The following ANKRD26 variants were observed in gnomAD, a reference collection of about 807,000 sequenced individuals.
ANKRD26 encodes ankyrin repeat domain-containing protein 26.
A neutral mutation model predicts 208.7 loss-of-function variants in ANKRD26; 141 were observed. That is an observed-to-expected ratio of 0.68 (90% confidence interval 0.59 to 0.78). The LOEUF (loss-of-function observed/expected upper bound fraction) is 0.78, where lower values mean the gene tolerates loss of function less well. Among genes scored for constraint, ANKRD26 ranks in the 30% least tolerant of loss-of-function variants. The pLI, the probability that ANKRD26 is intolerant of heterozygous loss-of-function variation, is 0.00. For missense variants in ANKRD26, 1,889 were observed against 1,938.7 expected, an observed-to-expected ratio of 0.97 and a Z score of 0.48; for synonymous variants, 636 against 660.4, an observed-to-expected ratio of 0.96 and a Z score of 0.57.
At chr10:26,961,232 C>A in the ANKRD26 span, among the ~76,000 whole-genome samples, 1 of 150,668 alleles carries the variant, frequency 6.6e-6, no homozygotes, top group South Asian at 2.1e-4. Flanking sequence ...AAAAAAAAAT[C>A]CTAAGAAGAC....
intron 25 of ANKRD26, among the ~76,000 whole-genome samples, chr10:27,032,635 C>CAAAA (rs68062291): frequency 3.7e-5 from 5 of 135,856 alleles, no homozygotes; most frequent in Admixed American, 7.3e-5. Flanking sequence ...GACTCTGTCT[C>CAAAA]AAAAAAAAAA....
At chr10:26,952,427 C>T in the ANKRD26 span, among the ~76,000 whole-genome samples, 4 of 151,998 alleles carry the variant, frequency 2.6e-5, no homozygotes, top group Non-Finnish European at 2.9e-5. Flanking sequence ...TAAATATGCC[C>T]TTTGCTGTAG....
At chr10:26,996,513 T>C (rs2052596755) in intron 4 of ANKRD26, among the ~76,000 whole-genome samples, 1 of 152,150 alleles carries the variant, frequency 6.6e-6, no homozygotes, top group African/African-American at 2.4e-5. Context: ...CGAGCTGAGA[T>C]TGCGCCACTG....
intron 31 of ANKRD26, 101 bp downstream of exon 31, chr10:27,014,393 T>C (rs1001071383): frequency 2.2e-5 from 20 of 899,410 alleles, no homozygotes; most frequent in Non-Finnish European, 3.2e-5. Context: ...TATTACCTAT[T>C]TAGCTTTCAC....
At chr10:26,953,505 A>T in the ANKRD26 span, among the ~76,000 whole-genome samples, 3 of 152,186 alleles carry the variant, frequency 2.0e-5, no homozygotes, top group Non-Finnish European at 4.4e-5. Context: ...TCTCATCCTG[A>T]TGTTACTAGA....
At chr10:26,977,103 GTTA>G (rs1228662413) in intron 5 of ANKRD26, among the ~76,000 whole-genome samples, 2 of 152,160 alleles carry the variant, frequency 1.3e-5, no homozygotes. Context: ...TACCTATTCT[GTTA>G]TTATAACCTG....
At position 27,013,049 on chromosome 10, in the gene ANKRD26, A is replaced by G. The variant is rs778105689; in HGVS notation, c.4786T>C (p.Ser1596Pro). ...KLLVEKQQSR[S>P]LFTTLTTRPV... is the part of the protein sequence containing the mutation. Reference sequence around the variant, plus strand: ...CTGGTAGTGAGAGTGGTGAACAAAGATCTGCTCTGCTGTTTTTCCACAAGA... The same window carrying G: ...CTGGTAGTGAGAGTGGTGAACAAAGGTCTGCTCTGCTGTTTTTCCACAAGA... The change falls in exon 32 of 34, where the codon TCT (serine) becomes CCT (proline). Residue 1596 changes from serine to proline, a missense_variant. Ser to Pro is a moderately conservative substitution (Grantham distance 74). Coordinates refer to ENST00000376087, the MANE Select transcript of ANKRD26 (RefSeq NM_014915.3). 11 of 1,613,884 alleles carry G rather than the reference A, an allele frequency of 6.8e-6. No homozygotes were observed. The highest frequency in any genetic ancestry group is 6.7e-5 in the Admixed American group (4 of 59,982).
the ANKRD26 span, among the ~76,000 whole-genome samples, chr10:26,964,772 A>G: frequency 1.3e-5 from 2 of 152,220 alleles, no homozygotes; most frequent in African/African-American, 4.8e-5. Flanking sequence ...TAGGGGTGAC[A>G]TTTAAGGATG....
intron 4 of ANKRD26, among the ~76,000 whole-genome samples, chr10:26,995,386 G>A (rs1034709084): frequency 1.3e-5 from 2 of 152,156 alleles, no homozygotes; most frequent in Non-Finnish European, 2.9e-5. Context: ...GGCAGCCCTT[G>A]AGCTACAGGG....
At chr10:27,066,649 T>A (rs2055259915) in intron 10 of ANKRD26, 101 bp from the exon 11 acceptor site, 4 of 720,804 alleles carry the variant, frequency 5.5e-6, no homozygotes, top group Non-Finnish European at 8.6e-6. Context: ...CATTCATGAA[T>A]ATTTCAATAA....
intron 5 of ANKRD26, among the ~76,000 whole-genome samples, chr10:26,977,965 A>T (rs1235679605): frequency 6.6e-6 from 1 of 152,158 alleles, no homozygotes; most frequent in East Asian, 1.9e-4. Flanking sequence ...CAGGCTCCCA[A>T]ATTCCCCAGG....
chr10:27,009,343 G>C (rs551107337), intron 32 of ANKRD26, among the ~76,000 whole-genome samples: 83 of 152,286 alleles, frequency 5.5e-4, no homozygotes, highest in Non-Finnish European at 9.3e-4. Flanking sequence ...GTGGGAAACT[G>C]GGATGGTTTT....
chr10:26,992,520 A>C (rs1347141834), intron 5 of ANKRD26, among the ~76,000 whole-genome samples: 1 of 151,864 alleles, frequency 6.6e-6, no homozygotes, highest in East Asian at 1.9e-4. Flanking sequence ...AGAGAAAAAG[A>C]GAGAGACTTT....
At chr10:27,099,454 G>C (rs930026821) in intron 1 of ANKRD26, among the ~76,000 whole-genome samples, 1 of 151,974 alleles carries the variant, frequency 6.6e-6, no homozygotes, top group South Asian at 2.1e-4. Context: ...CTTTTTGAAA[G>C]ATAGGGTCTT....
chr10:27,012,572 C>A (rs374056886), intron 32 of ANKRD26, among the ~76,000 whole-genome samples: 1 of 151,900 alleles, frequency 6.6e-6, no homozygotes, highest in African/African-American at 2.4e-5. Context: ...CCCAGCACTT[C>A]GGGAGGGTGA....
chr10:27,059,921 C>T (rs1037134351), intron 15 of ANKRD26, among the ~76,000 whole-genome samples: 1 of 148,736 alleles, frequency 6.7e-6, no homozygotes, highest in African/African-American at 2.5e-5. Flanking sequence ...AACAAAAAGC[C>T]GGGCATGGTG....
chr10:27,059,008 G>A (rs904011633), intron 15 of ANKRD26, among the ~76,000 whole-genome samples: 2 of 147,054 alleles, frequency 1.4e-5, no homozygotes, highest in African/African-American at 2.5e-5. Flanking sequence ...TCCACCTCCC[G>A]GGTTCATGCC....
intron 9 of ANKRD26, among the ~76,000 whole-genome samples, chr10:27,075,175 A>G (rs1025103073): frequency 2.6e-5 from 4 of 152,254 alleles, no homozygotes; most frequent in Admixed American, 6.5e-5. Flanking sequence ...AAACAATAAC[A>G]TAATGGAGGA....
chr10:27,005,145 T>C lies in ANKRD26; in HGVS notation c.*445A>G, dbSNP rs1446899951. The C allele has an allele frequency of 1.0e-6, 1 of 986,278 alleles. No individual in the cohort carries two copies. The highest frequency in any genetic ancestry group is 1.2e-6 in the Non-Finnish European group (1 of 830,594). 61.1% of individuals were successfully genotyped at this position (986,278 alleles called of 1,614,324 possible). ...GAGAACAGCTATATAAATCAGTGCTTAAAATTAAAATTATGTAAATTTGAT... is the reference window on the plus strand; with the variant it reads ...GAGAACAGCTATATAAATCAGTGCTCAAAATTAAAATTATGTAAATTTGAT... On this transcript the variant is annotated 3_prime_UTR_variant, in exon 34 of 34. Coordinates refer to ENST00000376087, the MANE Select transcript of ANKRD26 (RefSeq NM_014915.3).
Sources: allele counts gnomAD v4.1 joint callset (sites outside exome capture counted in the v4.1 genomes callset), GRCh38; gene constraint gnomAD v4.1.1; transcripts MANE v1.5; gene names NCBI Gene and HGNC (gene_info 2026-07-23, HGNC 2026-07-21).